Variants in ERC2 observed in about 807,000 individuals in gnomAD.
The protein encoded by ERC2 is ELKS/RAB6-interacting/CAST family member 2, also known as ERC protein 2.
A neutral mutation model predicts 114.8 loss-of-function variants in ERC2; 42 were observed. The ratio of observed to expected loss-of-function variants is 0.37; its 90% CI spans 0.29 to 0.47. The LOEUF is 0.47. Ranked by LOEUF, ERC2 falls within the 20% of genes least tolerant of loss-of-function variation. The pLI is 0.99. For synonymous variants in ERC2, 454 were observed against 425.5 expected (o/e 1.07, Z -0.82); for missense variants, 939 against 1,150.7 (o/e 0.82, Z 2.66).
rs1251880063 is a variant in ERC2 at position 56,368,184 on chromosome 3, TTAAAAAA to T, written c.657+66160_657+66166del. Reference sequence around the variant, plus strand: ...AAAAGTTGAAATTATTCTTTTTTTTTTAAAAAAAAAAAAAAAGCAAATGTAGACCAGC... The same window carrying T: ...AAAAGTTGAAATTATTCTTTTTTTTTAAAAAAAAAGCAAATGTAGACCAGC... On this transcript the variant is annotated intron_variant, in intron 2 of 17. Transcript: ENST00000288221. Among the ~76,000 whole-genome samples the T allele has an allele frequency of 5.8e-3, 507 of 87,980 alleles. 1 individual carries two copies. Among genetic ancestry groups the T allele is most frequent in the African/African-American group, 0.017 (471 of 28,266 alleles). 57.7% of individuals were successfully genotyped at this position (87,980 alleles called of 152,430 possible).
intron 14 of ERC2, among the ~76,000 whole-genome samples, chr3:55,735,564 C>G (rs1245658624): frequency 6.6e-6 from 1 of 152,160 alleles, no homozygotes; most frequent in African/African-American, 2.4e-5. Context: ...GATAATTAGT[C>G]CATTTGTGAG....
intron 3 of ERC2, among the ~76,000 whole-genome samples, chr3:56,262,051 T>C (rs1422446792): frequency 6.6e-6 from 1 of 152,230 alleles, no homozygotes. Flanking sequence ...ATCTCATTCT[T>C]TTTCATGGCT....
At chr3:55,838,025 A>G (rs2060974483) in intron 14 of ERC2, among the ~76,000 whole-genome samples, 1 of 152,078 alleles carries the variant, frequency 6.6e-6, no homozygotes, top group Non-Finnish European at 1.5e-5. Flanking sequence ...TTATGAGGTT[A>G]CAACAATATT....
intron 17 of ERC2, among the ~76,000 whole-genome samples, chr3:55,641,044 G>A (rs916799195): frequency 1.3e-5 from 2 of 152,108 alleles, no homozygotes; most frequent in African/African-American, 4.8e-5. Context: ...ATACATCTGG[G>A]GTGTCCATAC....
chr3:55,993,819 A>G (rs548797873), intron 10 of ERC2, among the ~76,000 whole-genome samples: 1 of 152,256 alleles, frequency 6.6e-6, no homozygotes, highest in Non-Finnish European at 1.5e-5. Flanking sequence ...AGATTATTAA[A>G]CTTTTTCAGT....
intron 15 of ERC2, among the ~76,000 whole-genome samples, chr3:55,708,950 G>GACAA (rs112720026): frequency 0.29 from 44,413 of 151,350 alleles, 6,842 homozygotes; most frequent in African/African-American, 0.41. Context: ...AGAGAGGAAA[G>GACAA]ACAGTGTTTG....
chr3:55,740,996 T>A (rs74941255), intron 14 of ERC2, among the ~76,000 whole-genome samples: 1 of 152,094 alleles, frequency 6.6e-6, no homozygotes, highest in African/African-American at 2.4e-5. Flanking sequence ...AAATATGAAA[T>A]CTGAAATACT....
chr3:55,977,740 T>G (rs2069705571), intron 12 of ERC2, among the ~76,000 whole-genome samples: 1 of 152,192 alleles, frequency 6.6e-6, no homozygotes, highest in South Asian at 2.1e-4. Flanking sequence ...TACAGATATA[T>G]TCACATACAC....
At chr3:56,345,701 A>G (rs1370586514) in intron 2 of ERC2, among the ~76,000 whole-genome samples, 1 of 152,230 alleles carries the variant, frequency 6.6e-6, no homozygotes, top group Non-Finnish European at 1.5e-5. Flanking sequence ...TAGTGATCAC[A>G]TATGAGGGTG....
At chr3:55,572,758 A>C (rs533484225) in intron 17 of ERC2, among the ~76,000 whole-genome samples, 1 of 152,220 alleles carries the variant, frequency 6.6e-6, no homozygotes, top group African/African-American at 2.4e-5. Context: ...CCAATAGTCA[A>C]ATTCTGTTAA....
chr3:55,630,858 C>T (rs1306643735), intron 17 of ERC2, among the ~76,000 whole-genome samples: 2 of 151,810 alleles, frequency 1.3e-5, no homozygotes, highest in East Asian at 1.9e-4. Context: ...CCAGAGTATC[C>T]GGGCTGTGAT....
chr3:55,720,121 CTTCTT>C, intron 15 of ERC2, among the ~76,000 whole-genome samples: 1 of 24,016 alleles, frequency 4.2e-5, no homozygotes, highest in African/African-American at 2.5e-4. Context: ...CCTCCTCCTC[CTTCTT>C]CTTCCTCTTC....
intron 17 of ERC2, among the ~76,000 whole-genome samples, chr3:55,637,017 G>A (rs2059985679): frequency 1.3e-5 from 2 of 152,152 alleles, no homozygotes; most frequent in Non-Finnish European, 2.9e-5. Flanking sequence ...ACCTGTTGTG[G>A]TCTCACAGGT....
At chr3:55,621,286 G>A (rs1156590095) in intron 17 of ERC2, among the ~76,000 whole-genome samples, 1 of 152,140 alleles carries the variant, frequency 6.6e-6, no homozygotes, top group Non-Finnish European at 1.5e-5. Context: ...GCCCAGCTGG[G>A]AATGCCAGAC....
At chr3:55,989,391 C>T (rs755000913) in intron 11 of ERC2, among the ~76,000 whole-genome samples, 8 of 152,146 alleles carry the variant, frequency 5.3e-5, no homozygotes, top group Non-Finnish European at 1.0e-4. Flanking sequence ...AGTAGCTTGT[C>T]CTGATTTTCA....
intron 1 of ERC2, among the ~76,000 whole-genome samples, chr3:56,449,071 T>G (rs945854098): frequency 2.5e-4 from 16 of 62,920 alleles, no homozygotes; most frequent in African/African-American, 1.5e-3. Flanking sequence ...CGAGACTCCA[T>G]CTCAAAAAAA....
At chr3:56,379,301 T>C (rs759737461) in intron 2 of ERC2, among the ~76,000 whole-genome samples, 1 of 152,146 alleles carries the variant, frequency 6.6e-6, no homozygotes, top group Admixed American at 6.5e-5. Flanking sequence ...CTTATGAAGA[T>C]AGCTCATCTC....
chr3:56,323,224 C>G (rs1489281580), intron 2 of ERC2, among the ~76,000 whole-genome samples: 4 of 152,098 alleles, frequency 2.6e-5, no homozygotes, highest in Non-Finnish European at 1.5e-5. Flanking sequence ...GAAAGTCCCC[C>G]TAGAATATTC....
chr3:55,594,139 T>C (rs1376713671), intron 17 of ERC2, among the ~76,000 whole-genome samples: 1 of 152,182 alleles, frequency 6.6e-6, no homozygotes, highest in Non-Finnish European at 1.5e-5. Context: ...TCCTGTATTG[T>C]CTTCTTTGAG....
Sources: allele counts gnomAD v4.1 joint callset (sites outside exome capture counted in the v4.1 genomes callset), GRCh38; gene constraint gnomAD v4.1.1; transcripts MANE v1.5; gene names NCBI Gene and HGNC (gene_info 2026-07-23, HGNC 2026-07-21).